ALPL: variants seen among roughly 807,000 people sequenced by gnomAD.
ALPL encodes the protein alkaline phosphatase, tissue-nonspecific isozyme.
Under a neutral mutation model 51.3 loss-of-function variants are expected in ALPL, and 42 were observed. That is an observed-to-expected ratio of 0.82 (90% CI 0.64 to 1.06). ALPL has a LOEUF of 1.06. Among genes scored for constraint, ALPL ranks in the 50% least tolerant of loss-of-function variants. ALPL has a pLI of 0.00. For synonymous variants in ALPL, 279 were observed against 296.4 expected (o/e 0.94, Z 0.60); for missense variants, 589 against 709.4 (o/e 0.83, Z 1.93).
intron 3 of ALPL, 117 bp from the exon 4 acceptor site, chr1:21,560,980 C>T: frequency 9.5e-7 from 1 of 1,048,182 alleles, no homozygotes; most frequent in Non-Finnish European, 1.4e-6. Flanking sequence ...AGAGCCATGC[C>T]CAGTGCCAAC....
intron 1 of ALPL, among the ~76,000 whole-genome samples, chr1:21,545,642 T>C (rs1247850337): frequency 6.6e-6 from 1 of 152,018 alleles, no homozygotes; most frequent in Non-Finnish European, 1.5e-5. Context: ...TCAAACCGTG[T>C]TCAAATGACA....
intron 1 of ALPL, among the ~76,000 whole-genome samples, chr1:21,535,488 G>A (rs751842181): frequency 3.9e-5 from 6 of 152,118 alleles, no homozygotes; most frequent in Admixed American, 1.3e-4. Flanking sequence ...GCTGTGCGCC[G>A]GTGGTCCCAG....
rs1025188458 is a variant in ALPL, at chr1:21,547,223, G to A, written c.-104-6755G>A. Among the ~76,000 whole-genome samples the A allele has an allele frequency of 9.8e-5, 15 of 152,350 alleles. No homozygotes were observed. In the East Asian group the frequency reaches 2.9e-3, roughly 29 times the overall value. ...TCCCCCGGGGCTCAAATGGGAGAGA[G>A]GAGCTTCGTAGCCTGCTCCCCCTCC... is the stretch of plus-strand genomic sequence containing the variant. On this transcript the variant is annotated intron_variant, in intron 1 of 11. Coordinates refer to ENST00000374840, the MANE Select transcript of ALPL (RefSeq NM_000478.6).
chr1:21,531,206 G>A (rs1453947410), intron 1 of ALPL, among the ~76,000 whole-genome samples: 7 of 152,024 alleles, frequency 4.6e-5, no homozygotes, highest in Admixed American at 1.3e-4. Context: ...TGATCCACCC[G>A]CCTTGGCCTC....
At chr1:21,511,713 C>T (rs1334034851) in intron 1 of ALPL, among the ~76,000 whole-genome samples, 4 of 152,208 alleles carry the variant, frequency 2.6e-5, no homozygotes, top group Non-Finnish European at 4.4e-5. Flanking sequence ...AGCCCTGGAG[C>T]CATCATCTCT....
At chr1:21,554,213 G>A (rs1570252394) in intron 2 of ALPL, 71 bp downstream of exon 2, 1 of 1,480,976 alleles carries the variant, frequency 6.8e-7, no homozygotes, top group Admixed American at 1.7e-5. Context: ...CAGTGTCTAT[G>A]TTTTAAGGTC....
chr1:21,524,332 A>G (rs999127872), intron 1 of ALPL, among the ~76,000 whole-genome samples: 1 of 152,066 alleles, frequency 6.6e-6, no homozygotes, highest in African/African-American at 2.4e-5. Context: ...TAAAGAATGG[A>G]AGCACAGGCT....
chr1:21,551,453 A>C (rs1200412124), intron 1 of ALPL: 1 of 152,140 alleles, frequency 6.6e-6, no homozygotes, highest in East Asian at 1.9e-4. Flanking sequence ...AAGTGATTTT[A>C]AATAATAGTT....
chr1:21,533,765 A>G (rs1253811329), intron 1 of ALPL, among the ~76,000 whole-genome samples: 10 of 151,906 alleles, frequency 6.6e-5, no homozygotes, highest in Non-Finnish European at 1.0e-4. Flanking sequence ...TCTACTAATA[A>G]TACAAAAATT....
rs557323064 is a variant in ALPL at position 21,564,386 on chromosome 1, G to A, written c.648+170G>A. On this transcript the variant is annotated intron_variant, in intron 6 of 11. Transcript: ENST00000374840. This position sits in a 1 kb window ranked among gnomAD's most constrained non-coding sequence, Gnocchi z 5.8. ...TGCGGTTGGGCAGGCAGGCACTGTG[G>A]GATTTCTCTGCGGTGGGGCTGCGGG... is the stretch of plus-strand genomic sequence containing the variant. Among the ~76,000 whole-genome samples, 5 of 152,262 alleles carry A rather than the reference G, an allele frequency of 3.3e-5. No homozygotes were observed. The East Asian group carries it at 9.7e-4, about 29-fold the overall frequency.
intron 5 of ALPL, 50 bp from the exon 6 acceptor site, chr1:21,563,991 G>A (rs931885795): frequency 6.2e-7 from 1 of 1,606,492 alleles, no homozygotes; most frequent in Non-Finnish European, 8.5e-7. Flanking sequence ...GAGGCCTCTG[G>A]GACACCCCGA....
chr1:21,557,061 T>G lies in ALPL; in HGVS notation c.61+2919T>G, dbSNP rs533175750. Among the ~76,000 whole-genome samples the G allele has an allele frequency of 1.3e-5, 2 of 152,212 alleles. 1 individual carries two copies. Among genetic ancestry groups the G allele is most frequent in the Non-Finnish European group, 2.9e-5 (2 of 68,024 alleles). ...AGATTCCCTCATCAATGCTGCCTCC[T>G]GAGGATTTTCCTTCCCCCTTTTCTT... On this transcript the variant is annotated intron_variant, in intron 2 of 11. Coordinates refer to ENST00000374840, the MANE Select transcript of ALPL (RefSeq NM_000478.6).
chr1:21,576,032 A>T, intron 10 of ALPL, 108 bp downstream of exon 10: 3 of 1,328,974 alleles, frequency 2.3e-6, no homozygotes, highest in Non-Finnish European at 3.2e-6. Flanking sequence ...TGGGGACTCA[A>T]TGACAACTGG....
At chr1:21,521,209 G>A (rs769158547) in intron 1 of ALPL, among the ~76,000 whole-genome samples, 3 of 151,392 alleles carry the variant, frequency 2.0e-5, no homozygotes, top group African/African-American at 7.3e-5. Context: ...TTTTTGAGAC[G>A]GAGTCTGCTC....
rs1644735329 is a variant in ALPL at position 21,576,282 on chromosome 1, GAT to G, written c.1190-239_1190-238del. ...GGATGGATGGATGGGTGGATGGATG[GAT>G]GGGTGGATGGATGGATGGATGGGTG... On this transcript the variant is annotated intron_variant, in intron 10 of 11. Transcript: ENST00000374840. 3.3e-4 allele frequency among the ~76,000 whole-genome samples: 49 copies of G among 148,350 alleles called. No homozygotes were observed. In the South Asian group the frequency reaches 9.7e-3, roughly 29 times the overall value.
Position 21,560,637 on chromosome 1 carries a change from G to A in ALPL, c.73G>A (p.Asp25Asn), listed in dbSNP as rs766948855. 1.2e-6 allele frequency: 2 copies of A among 1,614,122 alleles called. No homozygotes were observed. The highest frequency in any genetic ancestry group is 1.7e-5 in the Admixed American group (1 of 60,010). The change falls in exon 3 of 12, where the codon GAC becomes AAC. Residue 25 changes from aspartate to asparagine, a missense_variant. Transcript: ENST00000374840. ...TNSLVPEKEK[D>N]PKYWRDQAQE... ...CTCTCTGTGTTTAGAGAAAGAGAAA[G>A]ACCCCAAGTACTGGCGAGACCAAGC...
chr1:21,553,641 T>G (rs1336348845), intron 1 of ALPL, among the ~76,000 whole-genome samples: 1 of 152,206 alleles, frequency 6.6e-6, no homozygotes, highest in East Asian at 1.9e-4. Context: ...ATTCAGATGC[T>G]TGCTCTCCTT....
intron 1 of ALPL, among the ~76,000 whole-genome samples, chr1:21,549,067 C>T (rs1333091713): frequency 6.6e-6 from 1 of 152,170 alleles, no homozygotes; most frequent in African/African-American, 2.4e-5. Flanking sequence ...CCATCATAAG[C>T]CAGTGTTAAA....
chr1:21,535,089 A>G (rs1169783888), intron 1 of ALPL, among the ~76,000 whole-genome samples: 1 of 152,252 alleles, frequency 6.6e-6, no homozygotes, highest in Non-Finnish European at 1.5e-5. Context: ...TGGCTGCTCA[A>G]TAAACAGTGT....
Sources: gnomAD v4.1 joint callset for allele counts (sites outside exome capture counted in the v4.1 genomes callset) on GRCh38, gnomAD v4.1.1 for gene constraint, Gnocchi (gnomAD v3.1) non-coding constraint, MANE v1.5 for transcripts, NCBI Gene and HGNC (gene_info 2026-07-23, HGNC 2026-07-21) for gene names.